GPR158: variants seen among roughly 807,000 people sequenced by gnomAD.
GPR158 encodes metabotropic glycine receptor.
A neutral mutation model predicts 78.2 loss-of-function variants in GPR158; 30 were observed. That is an observed-to-expected ratio of 0.38 (90% CI 0.29 to 0.52). The LOEUF (loss-of-function observed/expected upper bound fraction) is 0.52. Ranked by LOEUF, GPR158 falls within the 20% of genes least tolerant of loss-of-function variation. GPR158 has a pLI of 0.83. For synonymous variants in GPR158, 581 were observed against 591.1 expected (o/e 0.98, Z 0.25); for missense variants, 1,463 against 1,523.5 (o/e 0.96, Z 0.66).
At chr10:25,455,866 T>G (rs547284973) in intron 4 of GPR158, among the ~76,000 whole-genome samples, 13 of 152,282 alleles carry the variant, frequency 8.5e-5, no homozygotes, top group African/African-American at 3.1e-4. Context: ...TTTCCCCTCT[T>G]TTTTTACACT....
At chr10:25,303,881 A>G (rs886257085) in intron 2 of GPR158, among the ~76,000 whole-genome samples, 16 of 152,220 alleles carry the variant, frequency 1.1e-4, no homozygotes, top group African/African-American at 3.9e-4. Flanking sequence ...CAGCATGTGT[A>G]TAAAAGGCTT....
chr10:25,304,147 G>GTT (rs144641949), intron 2 of GPR158, among the ~76,000 whole-genome samples: 4 of 147,956 alleles, frequency 2.7e-5, no homozygotes, highest in African/African-American at 5.0e-5. Context: ...TTTGTTTTTT[G>GTT]TTTTTTTTTC....
intron 2 of GPR158, among the ~76,000 whole-genome samples, chr10:25,286,280 G>GT (rs1854349830): frequency 6.6e-6 from 1 of 151,662 alleles, no homozygotes; most frequent in African/African-American, 2.4e-5. Flanking sequence ...CTCCCACTCT[G>GT]TTTTTCTCTT....
intron 5 of GPR158, among the ~76,000 whole-genome samples, chr10:25,512,077 G>A (rs1836093942): frequency 6.6e-6 from 1 of 152,006 alleles, no homozygotes; most frequent in African/African-American, 2.4e-5. Context: ...GAAGAATGAT[G>A]GTGGTATTTT....
At chr10:25,374,101 T>C (rs1045770120) in intron 2 of GPR158, among the ~76,000 whole-genome samples, 2 of 151,746 alleles carry the variant, frequency 1.3e-5, no homozygotes, top group African/African-American at 4.8e-5. Flanking sequence ...TTTAAATGTA[T>C]ATTATTGGTG....
intron 2 of GPR158, among the ~76,000 whole-genome samples, chr10:25,228,765 C>T (rs1736815479): frequency 6.6e-6 from 1 of 152,092 alleles, no homozygotes; most frequent in Admixed American, 6.6e-5. Context: ...GGCGTGGTGG[C>T]TCACGCCTGT....
intron 2 of GPR158, among the ~76,000 whole-genome samples, chr10:25,271,925 C>G (rs1220773459): frequency 1.3e-5 from 2 of 152,124 alleles, no homozygotes; most frequent in African/African-American, 4.8e-5. Context: ...CAGGCATAAG[C>G]CACTGCCTCT....
intron 7 of GPR158, among the ~76,000 whole-genome samples, chr10:25,587,623 A>G (rs1190664947): frequency 6.6e-6 from 1 of 152,226 alleles, no homozygotes; most frequent in Non-Finnish European, 1.5e-5. Flanking sequence ...GCTCGATCCA[A>G]TACAACTTGG....
chr10:25,342,204 G>A (rs188466680), intron 2 of GPR158, among the ~76,000 whole-genome samples: 2 of 151,160 alleles, frequency 1.3e-5, no homozygotes, highest in South Asian at 2.1e-4. Context: ...TGAAGTATGT[G>A]TGCTATATCT....
chr10:25,208,811 A>G (rs1853087341), intron 1 of GPR158, among the ~76,000 whole-genome samples: 1 of 151,232 alleles, frequency 6.6e-6, no homozygotes, highest in South Asian at 2.1e-4. Flanking sequence ...TGTACAGGAG[A>G]GCAGGTCACT....
At chr10:25,250,610 T>C (rs1362728768) in intron 2 of GPR158, among the ~76,000 whole-genome samples, 1 of 150,324 alleles carries the variant, frequency 6.7e-6, no homozygotes, top group Non-Finnish European at 1.5e-5. Context: ...AATTTCCATG[T>C]AGTTGAGCGG....
At chr10:25,270,549 G>A (rs375418702) in intron 2 of GPR158, among the ~76,000 whole-genome samples, 5 of 152,120 alleles carry the variant, frequency 3.3e-5, no homozygotes, top group Admixed American at 6.5e-5. Flanking sequence ...CAGACCCAGC[G>A]CACCCCAAAC....
intron 2 of GPR158, among the ~76,000 whole-genome samples, chr10:25,242,440 A>G (rs2130710003): frequency 6.6e-6 from 1 of 152,370 alleles, no homozygotes; most frequent in African/African-American, 2.4e-5. Context: ...TTCCTTAGAG[A>G]AAACTAGATT....
At chr10:25,277,285 A>G (rs1453802113) in intron 2 of GPR158, among the ~76,000 whole-genome samples, 1 of 152,176 alleles carries the variant, frequency 6.6e-6, no homozygotes, top group Non-Finnish European at 1.5e-5. Context: ...TTGTAAAGAA[A>G]ACTAAAACAG....
At chr10:25,193,903 GA>G (rs1852809606) in intron 1 of GPR158, among the ~76,000 whole-genome samples, 2 of 141,740 alleles carry the variant, frequency 1.4e-5, no homozygotes, top group African/African-American at 5.4e-5. Flanking sequence ...AAAAAAAAAA[GA>G]AAATTCAGAA....
chr10:25,581,093 T>C (rs1426428511), intron 7 of GPR158, among the ~76,000 whole-genome samples: 3 of 149,492 alleles, frequency 2.0e-5, no homozygotes, highest in Non-Finnish European at 4.5e-5. Flanking sequence ...CCCGGCTAAT[T>C]TTTTTTTTGT....
At chr10:25,431,608 C>A in intron 4 of GPR158, among the ~76,000 whole-genome samples, 2 of 135,656 alleles carry the variant, frequency 1.5e-5, no homozygotes, top group African/African-American at 2.7e-5. Flanking sequence ...TGGAACCAAC[C>A]CAAATGTCCA....
intron 1 of GPR158, among the ~76,000 whole-genome samples, chr10:25,208,558 T>TTGTGTGTGTG (rs71399956): frequency 1.8e-4 from 24 of 135,154 alleles, no homozygotes; most frequent in African/African-American, 5.7e-4. Context: ...CTATGTGAAT[T>TTGTGTGTGTG]TGTGTGTGTG....
intron 7 of GPR158, among the ~76,000 whole-genome samples, chr10:25,575,040 C>A (rs866003057): frequency 4.1e-5 from 6 of 145,818 alleles, no homozygotes; most frequent in African/African-American, 1.5e-4. Context: ...ACACTACAGT[C>A]TGGGCAACAG....
Sources: gnomAD v4.1 joint callset for allele counts (sites outside exome capture counted in the v4.1 genomes callset) on GRCh38, gnomAD v4.1.1 for gene constraint, MANE v1.5 for transcripts, NCBI Gene and HGNC (gene_info 2026-07-23, HGNC 2026-07-21) for gene names.